Variants in NSRP1 observed in about 807,000 individuals in gnomAD.
NSRP1 encodes the protein coiled-coil domain containing 55.
A neutral mutation model predicts 54.7 loss-of-function variants in NSRP1; 24 were observed. That is an observed-to-expected ratio of 0.44 (90% CI 0.32 to 0.62). The LOEUF (loss-of-function observed/expected upper bound fraction) is 0.62. Ranked by LOEUF, NSRP1 falls within the 20% of genes least tolerant of loss-of-function variation. The probability of loss-of-function intolerance (pLI) is 0.06; values close to 1 mark genes in which losing one functional copy is unlikely to be tolerated. For synonymous variants in NSRP1, 210 were observed against 213.8 expected, an observed-to-expected ratio of 0.98 and a Z score of 0.15; for missense variants, 596 against 651.2, an observed-to-expected ratio of 0.92 and a Z score of 0.92.
intron 2 of NSRP1, among the ~76,000 whole-genome samples, chr17:30,172,104 C>T (rs558298291): frequency 6.6e-6 from 1 of 151,338 alleles, no homozygotes; most frequent in African/African-American, 2.4e-5. Flanking sequence ...CTCATCTTTT[C>T]CTGTACCATT....
At chr17:30,125,480 T>C (rs1205807875) in intron 2 of NSRP1, among the ~76,000 whole-genome samples, 1 of 152,236 alleles carries the variant, frequency 6.6e-6, no homozygotes, top group Non-Finnish European at 1.5e-5. Context: ...GTTTTCATTT[T>C]GTGCTTGCAT....
At chr17:30,183,701 G>A (rs958188948) in intron 6 of NSRP1, among the ~76,000 whole-genome samples, 8 of 152,056 alleles carry the variant, frequency 5.3e-5, no homozygotes, top group African/African-American at 1.9e-4. Flanking sequence ...AACTGTACTT[G>A]CCAGCTGGAA....
intron 2 of NSRP1, among the ~76,000 whole-genome samples, chr17:30,157,622 A>C (rs1372739760): frequency 1.3e-5 from 2 of 152,068 alleles, no homozygotes; most frequent in Non-Finnish European, 1.5e-5. Flanking sequence ...TAGGGTGACT[A>C]TACTTCTTAT....
chr17:30,158,215 A>G (rs61014003), intron 2 of NSRP1, among the ~76,000 whole-genome samples: 57,869 of 151,730 alleles, frequency 0.38, 13,507 homozygotes, highest in East Asian at 0.82. Context: ...TTCACTGATG[A>G]TTAGTGATTA....
At chr17:30,150,272 G>A (rs2071893916) in intron 2 of NSRP1, 1 of 152,008 alleles carries the variant, frequency 6.6e-6, no homozygotes, top group Admixed American at 6.6e-5. Flanking sequence ...GTAGAGATGG[G>A]GTTTCACCAT....
chr17:30,163,189 T>TTGTGTGTGTGTGTGTGTGTGTGTGTGTG (rs35702441), intron 2 of NSRP1: 1 of 121,560 alleles, frequency 8.2e-6, no homozygotes, highest in Non-Finnish European at 1.7e-5. Flanking sequence ...CCGGCTAATT[T>TTGTGTGTGTGTGTGTGTGTGTGTGTGTG]TGTGTGTGTG....
chr17:30,179,777 A>G (rs1275256467), intron 5 of NSRP1, among the ~76,000 whole-genome samples: 1 of 152,216 alleles, frequency 6.6e-6, no homozygotes, highest in Non-Finnish European at 1.5e-5. Context: ...GAATATCTTA[A>G]TGCTTTACCT....
chr17:30,117,756 C>G (rs1341605313), intron 1 of NSRP1, among the ~76,000 whole-genome samples: 1 of 146,784 alleles, frequency 6.8e-6, no homozygotes, highest in Non-Finnish European at 1.5e-5. Context: ...TTCCACTACA[C>G]ATGTTTTTTT....
At chr17:30,153,739 A>G (rs1235416455) in intron 2 of NSRP1, among the ~76,000 whole-genome samples, 6 of 152,070 alleles carry the variant, frequency 3.9e-5, no homozygotes, top group African/African-American at 1.4e-4. Flanking sequence ...CTGTGTATTC[A>G]CCATTTGTCC....
At chr17:30,157,602 G>T (rs1396635570) in intron 2 of NSRP1, among the ~76,000 whole-genome samples, 1 of 152,074 alleles carries the variant, frequency 6.6e-6, no homozygotes, top group African/African-American at 2.4e-5. Context: ...TCCAGTGTTG[G>T]ATAGCAGACT....
chr17:30,130,952 A>G (rs2071694219), intron 2 of NSRP1, among the ~76,000 whole-genome samples: 1 of 152,224 alleles, frequency 6.6e-6, no homozygotes, highest in Non-Finnish European at 1.5e-5. Flanking sequence ...AGTGAAACAT[A>G]ACAAAAGCCA....
chr17:30,149,105 T>A (rs1440389034), intron 2 of NSRP1, among the ~76,000 whole-genome samples: 2 of 152,224 alleles, frequency 1.3e-5, no homozygotes, highest in Non-Finnish European at 2.9e-5. Context: ...TTTTGTAATT[T>A]CCTTTATGAT....
In NSRP1 at chr17:30,184,726, C is replaced by T. The variant is rs756487827; in HGVS notation, c.729C>T (p.Asn243=). Reference sequence around the variant, plus strand: ...AAACTGATGTGAAAGTAGAGGAAAACCCAGATGCAGACAGTGACTTCGATG... The same window carrying T: ...AAACTGATGTGAAAGTAGAGGAAAATCCAGATGCAGACAGTGACTTCGATG... ...ILQTDVKVEE[N]PDADSDFDAK... Residue 243 remains asparagine (N), a synonymous_variant, in exon 7 of 7, where the codon AAC becomes AAT. Coordinates refer to ENST00000247026, the MANE Select transcript of NSRP1 (RefSeq NM_032141.4). The T allele has an allele frequency of 3.7e-6, 6 of 1,613,838 alleles. No homozygotes were observed. In the East Asian group the frequency reaches 8.9e-5, roughly 24 times the overall value.
At chr17:30,131,429 A>G (rs2071698452) in intron 2 of NSRP1, among the ~76,000 whole-genome samples, 1 of 152,362 alleles carries the variant, frequency 6.6e-6, no homozygotes. Context: ...GTTCCAGACC[A>G]CTGCAATAAA....
At chr17:30,182,762 G>A (rs903201734) in intron 6 of NSRP1, among the ~76,000 whole-genome samples, 9 of 151,882 alleles carry the variant, frequency 5.9e-5, no homozygotes, top group African/African-American at 1.5e-4. Flanking sequence ...GTGAAATCCC[G>A]TCTCTACTAA....
chr17:30,123,671 C>T (rs1037530782), intron 2 of NSRP1, among the ~76,000 whole-genome samples: 2 of 151,998 alleles, frequency 1.3e-5, no homozygotes, highest in Non-Finnish European at 2.9e-5. Context: ...ATGTTTTCTT[C>T]TAAGAATTTT....
At chr17:30,131,925 G>A (rs911346149) in intron 2 of NSRP1, among the ~76,000 whole-genome samples, 3 of 152,044 alleles carry the variant, frequency 2.0e-5, no homozygotes, top group African/African-American at 4.8e-5. Flanking sequence ...CAATGCTCAC[G>A]TCGTCACCAT....
intron 2 of NSRP1, among the ~76,000 whole-genome samples, chr17:30,171,972 A>ACACACACACCCCCT (rs1169988659): frequency 2.1e-5 from 1 of 46,588 alleles, no homozygotes; most frequent in Non-Finnish European, 5.3e-5. Context: ...ACACACACAC[A>ACACACACACCCCCT]CTCCCTCTCT....
intron 2 of NSRP1, among the ~76,000 whole-genome samples, chr17:30,168,593 G>A (rs560373770): frequency 3.5e-4 from 47 of 135,374 alleles, no homozygotes; most frequent in African/African-American, 1.1e-3. Context: ...AATAATAATA[G>A]TAATAATAAT....
Sources: allele counts gnomAD v4.1 joint callset (sites outside exome capture counted in the v4.1 genomes callset), GRCh38; gene constraint gnomAD v4.1.1; transcripts MANE v1.5; gene names NCBI Gene and HGNC (gene_info 2026-07-23, HGNC 2026-07-21).